Variants in KCNIP4 observed in about 807,000 individuals in gnomAD.
KCNIP4 encodes Kv channel-interacting protein 4.
KCNIP4 carries 12 observed loss-of-function variants against 34.0 expected under a neutral mutation model. The ratio of observed to expected loss-of-function variants is 0.35; its 90% CI spans 0.23 to 0.57. The LOEUF (loss-of-function observed/expected upper bound fraction) is 0.57. Ranked by LOEUF, KCNIP4 falls within the 20% of genes least tolerant of loss-of-function variation. KCNIP4 has a pLI of 0.83. For missense variants in KCNIP4, 238 were observed against 311.7 expected, an observed-to-expected ratio of 0.76 and a Z score of 1.78; for synonymous variants, 124 against 102.2, an observed-to-expected ratio of 1.21 and a Z score of -1.29.
chr4:21,226,980 G>C (rs1459704779), intron 1 of KCNIP4, among the ~76,000 whole-genome samples: 3 of 152,098 alleles, frequency 2.0e-5, no homozygotes, highest in African/African-American at 7.2e-5. Flanking sequence ...ATACAGCCTA[G>C]ATTCCTTGCA....
chr4:21,801,349 C>T (rs1202740028), intron 1 of KCNIP4, among the ~76,000 whole-genome samples: 2 of 152,068 alleles, frequency 1.3e-5, no homozygotes, highest in Non-Finnish European at 2.9e-5. Flanking sequence ...CATGTAAAAC[C>T]AGTGACCAAC....
chr4:21,451,791 T>C (rs1728526204), intron 1 of KCNIP4, among the ~76,000 whole-genome samples: 1 of 152,150 alleles, frequency 6.6e-6, no homozygotes, highest in Admixed American at 6.6e-5. Context: ...GAGAAAATAT[T>C]TTGAAAACGT....
intron 3 of KCNIP4, among the ~76,000 whole-genome samples, chr4:20,818,920 C>CTTTTT (rs11382765): frequency 3.2e-4 from 34 of 104,950 alleles, no homozygotes; most frequent in African/African-American, 5.0e-4. Flanking sequence ...TATATTATCT[C>CTTTTT]TTTTTTTTTT....
intron 1 of KCNIP4, among the ~76,000 whole-genome samples, chr4:21,774,647 T>C (rs2109198462): frequency 6.6e-6 from 1 of 152,308 alleles, no homozygotes; most frequent in African/African-American, 2.4e-5. Flanking sequence ...TTTCATTCTT[T>C]TTTCCTCTAT....
intron 1 of KCNIP4, among the ~76,000 whole-genome samples, chr4:21,022,312 G>A (rs79313834): frequency 0.025 from 3,825 of 152,280 alleles, 78 homozygotes; most frequent in Middle Eastern, 0.044. Flanking sequence ...GCACACAGAT[G>A]ATGTACATTT....
At chr4:20,745,875 G>A (rs56929163) in intron 5 of KCNIP4, among the ~76,000 whole-genome samples, 2,329 of 152,076 alleles carry the variant, frequency 0.015, 52 homozygotes, top group African/African-American at 0.053. Flanking sequence ...TGCCTTACTG[G>A]GTAATGAGAT....
chr4:21,054,363 A>G (rs886431714), intron 1 of KCNIP4, among the ~76,000 whole-genome samples: 2 of 152,046 alleles, frequency 1.3e-5, no homozygotes, highest in Non-Finnish European at 2.9e-5. Context: ...TACCGAAAAT[A>G]CAAAAATTAG....
intron 1 of KCNIP4, among the ~76,000 whole-genome samples, chr4:21,615,421 C>T (rs1321380996): frequency 2.6e-5 from 4 of 151,740 alleles, no homozygotes; most frequent in African/African-American, 9.7e-5. Context: ...TGGTGGGCGC[C>T]TGTAGGCCCA....
chr4:21,490,907 T>C lies in KCNIP4; in HGVS notation c.61+457664A>G, dbSNP rs373578242. On this transcript the variant is annotated intron_variant, in intron 1 of 8. Coordinates refer to ENST00000382152, the MANE Select transcript of KCNIP4 (RefSeq NM_025221.6). ...ACTTGGAATTTAAGGAATGTCCTCT[T>C]TGAGGAGGTAATAAGTGGAGACCTC... is the stretch of plus-strand genomic sequence containing the variant. Among the ~76,000 whole-genome samples, 727 of 152,192 alleles carry C rather than the reference T, an allele frequency of 4.8e-3. 8 individuals carry two copies. The highest frequency in any genetic ancestry group is 0.017 in the African/African-American group (692 of 41,516).
At chr4:21,921,756 C>T (rs905186552) in intron 1 of KCNIP4, among the ~76,000 whole-genome samples, 2 of 152,188 alleles carry the variant, frequency 1.3e-5, no homozygotes, top group Admixed American at 6.5e-5. Context: ...AATGTAGTCA[C>T]CAACACCTCC....
At chr4:21,894,207 G>A (rs1179695642) in intron 1 of KCNIP4, among the ~76,000 whole-genome samples, 1 of 151,928 alleles carries the variant, frequency 6.6e-6, no homozygotes, top group Non-Finnish European at 1.5e-5. Context: ...GTGGTGGCAC[G>A]TGCCTGTAGT....
intron 1 of KCNIP4, among the ~76,000 whole-genome samples, chr4:21,570,703 G>T (rs1204100810): frequency 6.6e-6 from 1 of 152,070 alleles, no homozygotes; most frequent in East Asian, 1.9e-4. Context: ...TTATAGAATA[G>T]ATTCACTTTT....
chr4:21,714,552 G>T (rs1014059174), intron 1 of KCNIP4, among the ~76,000 whole-genome samples: 1 of 136,878 alleles, frequency 7.3e-6, no homozygotes, highest in Admixed American at 7.5e-5. Flanking sequence ...AGGGAGGAAG[G>T]GGGGGATTAA....
chr4:20,948,076 A>G (rs1163824586), intron 1 of KCNIP4, among the ~76,000 whole-genome samples: 1 of 152,228 alleles, frequency 6.6e-6, no homozygotes, highest in Non-Finnish European at 1.5e-5. Context: ...CACATGTTAA[A>G]TGAAGAAGAA....
At chr4:21,808,417 T>A (rs1721428868) in intron 1 of KCNIP4, among the ~76,000 whole-genome samples, 1 of 152,166 alleles carries the variant, frequency 6.6e-6, no homozygotes, top group Admixed American at 6.6e-5. Context: ...ACTTAATAAA[T>A]AGTAAATATA....
intron 1 of KCNIP4, among the ~76,000 whole-genome samples, chr4:21,018,905 T>G (rs371744003): frequency 6.6e-6 from 1 of 152,182 alleles, no homozygotes; most frequent in African/African-American, 2.4e-5. Flanking sequence ...AGTGTTGAGT[T>G]AAATTTCTGA....
chr4:21,208,536 G>C (rs139807658), intron 1 of KCNIP4, among the ~76,000 whole-genome samples: 6 of 152,140 alleles, frequency 3.9e-5, no homozygotes, highest in African/African-American at 1.4e-4. Context: ...CTGCCACATG[G>C]TCATACTTTA....
Position 21,568,254 on chromosome 4 carries a change from A to G in KCNIP4, c.61+380317T>C, listed in dbSNP as rs539383285. ...TTATTTGAAAATAAGATCATTGCAA[A>G]AGCAATTTCTAGTTATGATGAGGTC... On this transcript the variant is annotated intron_variant, in intron 1 of 8. Coordinates refer to ENST00000382152, the MANE Select transcript of KCNIP4 (RefSeq NM_025221.6). 1.6e-4 allele frequency among the ~76,000 whole-genome samples: 24 copies of G among 152,262 alleles called. 1 individual carries two copies. Among genetic ancestry groups the G allele is most frequent in the African/African-American group, 4.6e-4 (19 of 41,546 alleles).
At chr4:21,025,543 G>GTTTTTTTTTGTTTTTTTTTTTTTTTTTT (rs1740458894) in intron 1 of KCNIP4, among the ~76,000 whole-genome samples, 1 of 34,778 alleles carries the variant, frequency 2.9e-5, no homozygotes, top group African/African-American at 1.0e-4. Context: ...CATTGATACT[G>GTTTTTTTTTGTTTTTTTTTTTTTTTTTT]TTTTTTTTTT....
Sources: allele counts gnomAD v4.1 joint callset (sites outside exome capture counted in the v4.1 genomes callset), GRCh38; gene constraint gnomAD v4.1.1; transcripts MANE v1.5; gene names NCBI Gene and HGNC (gene_info 2026-07-23, HGNC 2026-07-21).